CSMD1: variants seen among roughly 807,000 people sequenced by gnomAD.
The protein encoded by CSMD1 is CUB and sushi domain-containing protein 1.
In CSMD1, 213 loss-of-function variants were observed where a neutral mutation model predicts 417.5. That is an observed-to-expected ratio of 0.51 (90% CI 0.46 to 0.57). CSMD1 has a LOEUF of 0.57. Ranked by LOEUF, CSMD1 falls within the 20% of genes least tolerant of loss-of-function variation. The pLI, the probability that CSMD1 is intolerant of heterozygous loss-of-function variation, is 0.00. For synonymous variants in CSMD1, 2,862 were observed against 1,736.8 expected (o/e 1.65, Z -16.11); for missense variants, 6,923 against 4,529.7 (o/e 1.53, Z -15.17).
At chr8:3,984,704 CATATAT>C (rs59669026) in intron 5 of CSMD1, among the ~76,000 whole-genome samples, 3,768 of 82,472 alleles carry the variant, frequency 0.046, 173 homozygotes, top group African/African-American at 0.052. Context: ...GTGTATATAT[CATATAT>C]ATATATATAT....
intron 5 of CSMD1, among the ~76,000 whole-genome samples, chr8:3,774,123 G>C (rs377594232): frequency 6.6e-6 from 1 of 152,234 alleles, no homozygotes; most frequent in East Asian, 1.9e-4. Context: ...TTCCCTCTTA[G>C]GTTTGAGCAT....
intron 8 of CSMD1, among the ~76,000 whole-genome samples, chr8:3,607,124 CT>C (rs1801656898): frequency 6.6e-6 from 1 of 152,110 alleles, no homozygotes; most frequent in Admixed American, 6.5e-5. Flanking sequence ...ATTTCACAAG[CT>C]TTTTTCTATT....
chr8:3,305,767 C>G (rs1017061673), intron 25 of CSMD1, among the ~76,000 whole-genome samples: 1 of 152,228 alleles, frequency 6.6e-6, no homozygotes, highest in East Asian at 1.9e-4. Flanking sequence ...GCAGGCTCCA[C>G]CTCCTGGGTT....
At chr8:4,698,631 T>A (rs1258958572) in intron 1 of CSMD1, among the ~76,000 whole-genome samples, 1 of 146,852 alleles carries the variant, frequency 6.8e-6, no homozygotes, top group Admixed American at 6.9e-5. Context: ...GAGCAGGAAG[T>A]TTAATAGGCA....
chr8:4,177,928 G>C (rs1226925003), intron 3 of CSMD1, among the ~76,000 whole-genome samples: 1 of 151,886 alleles, frequency 6.6e-6, no homozygotes, highest in Non-Finnish European at 1.5e-5. Flanking sequence ...TGAAATTGTG[G>C]CAACAATCAA....
At chr8:3,710,810 C>G (rs1801464675) in intron 6 of CSMD1, among the ~76,000 whole-genome samples, 1 of 152,132 alleles carries the variant, frequency 6.6e-6, no homozygotes, top group Non-Finnish European at 1.5e-5. Context: ...CACAGATGCA[C>G]AGGGAAGACT....
chr8:4,946,020 G>A (rs1016780078), intron 1 of CSMD1, among the ~76,000 whole-genome samples: 7 of 152,162 alleles, frequency 4.6e-5, no homozygotes, highest in Non-Finnish European at 7.3e-5. Flanking sequence ...GTGGGCTCTT[G>A]TGAACATCAG....
At chr8:4,772,686 G>C (rs1263570845) in intron 1 of CSMD1, among the ~76,000 whole-genome samples, 2 of 152,164 alleles carry the variant, frequency 1.3e-5, no homozygotes, top group Non-Finnish European at 2.9e-5. Context: ...AAATGTATCT[G>C]TGAAAGGATG....
chr8:4,382,677 T>C (rs1803179547), intron 3 of CSMD1, among the ~76,000 whole-genome samples: 1 of 152,212 alleles, frequency 6.6e-6, no homozygotes, highest in African/African-American at 2.4e-5. Context: ...TTAGCATAAA[T>C]AATGTAAATT....
At chr8:3,721,988 C>G (rs1408091027) in intron 6 of CSMD1, among the ~76,000 whole-genome samples, 1 of 152,158 alleles carries the variant, frequency 6.6e-6, no homozygotes, top group Non-Finnish European at 1.5e-5. Context: ...CCCAAGCCCC[C>G]CACAAGCCAG....
At chr8:3,850,748 T>G (rs555628450) in intron 5 of CSMD1, among the ~76,000 whole-genome samples, 1 of 152,108 alleles carries the variant, frequency 6.6e-6, no homozygotes, top group South Asian at 2.1e-4. Flanking sequence ...AAATTGAAAT[T>G]CGCATTTATA....
intron 2 of CSMD1, among the ~76,000 whole-genome samples, chr8:4,445,110 G>A (rs963727554): frequency 2.0e-5 from 3 of 152,152 alleles, no homozygotes; most frequent in African/African-American, 4.8e-5. Flanking sequence ...AACAAAAAAA[G>A]TATGACTGGA....
At chr8:4,256,254 G>C (rs1169603510) in intron 3 of CSMD1, among the ~76,000 whole-genome samples, 3 of 152,276 alleles carry the variant, frequency 2.0e-5, no homozygotes, top group Non-Finnish European at 2.9e-5. Flanking sequence ...TCTCTGCTTT[G>C]AGTCCCTTAA....
At chr8:4,093,229 G>A (rs891551311) in intron 3 of CSMD1, among the ~76,000 whole-genome samples, 7 of 150,756 alleles carry the variant, frequency 4.6e-5, no homozygotes, top group African/African-American at 1.7e-4. Flanking sequence ...ATTTACCTAT[G>A]TTTACATAAT....
chr8:4,922,311 T>C (rs149345852), intron 1 of CSMD1, among the ~76,000 whole-genome samples: 30 of 152,324 alleles, frequency 2.0e-4, no homozygotes, highest in African/African-American at 6.5e-4. Flanking sequence ...TCTTGTTACA[T>C]AACCTATCCC....
intron 3 of CSMD1, among the ~76,000 whole-genome samples, chr8:4,342,146 G>C (rs1375346767): frequency 2.0e-5 from 3 of 151,914 alleles, no homozygotes; most frequent in Non-Finnish European, 2.9e-5. Flanking sequence ...GCCAATCTAA[G>C]ACTGTCTACC....
intron 17 of CSMD1, among the ~76,000 whole-genome samples, chr8:3,395,595 T>A (rs1811640946): frequency 1.3e-5 from 2 of 152,258 alleles, no homozygotes; most frequent in African/African-American, 2.4e-5. Context: ...CATTCCATTA[T>A]AATATTTTGA....
At chr8:3,931,934 G>T (rs1342614592) in intron 5 of CSMD1, among the ~76,000 whole-genome samples, 3 of 149,164 alleles carry the variant, frequency 2.0e-5, no homozygotes, top group African/African-American at 7.4e-5. Flanking sequence ...GAACCCAATT[G>T]TAGCTGTAGA....
intron 1 of CSMD1, among the ~76,000 whole-genome samples, chr8:4,829,460 G>A (rs1445364744): frequency 6.6e-6 from 1 of 152,090 alleles, no homozygotes; most frequent in African/African-American, 2.4e-5. Flanking sequence ...TAACATTTAA[G>A]GCCAGGTGCA....
Sources: allele counts gnomAD v4.1 joint callset (sites outside exome capture counted in the v4.1 genomes callset), GRCh38; gene constraint gnomAD v4.1.1; transcripts MANE v1.5; gene names NCBI Gene and HGNC (gene_info 2026-07-23, HGNC 2026-07-21).